Variants in MCU observed in about 807,000 individuals in gnomAD.
The protein encoded by MCU is mitochondrial calcium uniporter.
A neutral mutation model predicts 45.2 loss-of-function variants in MCU; 12 were observed. That is an observed-to-expected ratio of 0.27 (90% confidence interval 0.17 to 0.43). MCU has a LOEUF of 0.43. MCU is among the 20% of genes least tolerant of loss of function. The pLI is 1.00. For synonymous variants in MCU, 160 were observed against 165.1 expected, an observed-to-expected ratio of 0.97 and a Z score of 0.24; for missense variants, 324 against 436.7, an observed-to-expected ratio of 0.74 and a Z score of 2.30.
intron 1 of MCU, among the ~76,000 whole-genome samples, chr10:72,832,932 C>CTGTGTGCGTGTGTGTGTGTGTGTGTGTG (rs1399130294): frequency 8.8e-5 from 5 of 57,124 alleles, no homozygotes; most frequent in African/African-American, 1.9e-4. Context: ...AAACCAATAG[C>CTGTGTGCGTGTGTGTGTGTGTGTGTGTG]TATGTGTGTG....
intron 1 of MCU, among the ~76,000 whole-genome samples, chr10:72,744,254 T>A (rs1449403269): frequency 4.6e-5 from 7 of 151,726 alleles, no homozygotes; most frequent in Admixed American, 4.6e-4. Flanking sequence ...TTTTAAAGAT[T>A]TTTGGGTGCG....
intron 1 of MCU, among the ~76,000 whole-genome samples, chr10:72,816,660 C>G (rs1420323034): frequency 6.6e-6 from 1 of 152,152 alleles, no homozygotes; most frequent in Non-Finnish European, 1.5e-5. Context: ...GCACCACCAG[C>G]TACTTCAGAT....
At chr10:72,714,345 CTTTTTTTTTTTTT>C (rs1160353409) in intron 1 of MCU, among the ~76,000 whole-genome samples, 1 of 54,770 alleles carries the variant, frequency 1.8e-5, no homozygotes, top group Non-Finnish European at 4.0e-5. Context: ...CCGCCCTGGT[CTTTTTTTTTTTTT>C]TTTTTTTTTT....
intron 1 of MCU, among the ~76,000 whole-genome samples, chr10:72,714,696 C>T (rs1036620702): frequency 2.0e-5 from 3 of 152,048 alleles, no homozygotes; most frequent in Non-Finnish European, 2.9e-5. Flanking sequence ...AGGCATGCAA[C>T]ACCACGCTGG....
At chr10:72,763,223 C>T (rs942827339) in intron 1 of MCU, among the ~76,000 whole-genome samples, 15 of 152,240 alleles carry the variant, frequency 9.9e-5, no homozygotes, top group African/African-American at 3.4e-4. Context: ...CCTTTTGCCA[C>T]GTAAGGTAAC....
chr10:72,742,001 C>T lies in MCU; in HGVS notation c.150+49700C>T, dbSNP rs569931223. ...CGAGATCACTGCCCTCCAGCCTGGG[C>T]GACAGAGCAAGACTCCGTCTCAAAA... On this transcript the variant is annotated intron_variant, in intron 1 of 7. Coordinates refer to ENST00000373053, the MANE Select transcript of MCU (RefSeq NM_138357.3). 2.7e-4 allele frequency among the ~76,000 whole-genome samples: 30 copies of T among 112,718 alleles called. No individual in the cohort carries two copies. In the East Asian group the frequency reaches 6.4e-3, roughly 24 times the overall value. The allele number at this position is 112,718 out of a possible 152,430, so 73.9% of individuals were successfully genotyped here.
chr10:72,722,533 T>A (rs564132748), intron 1 of MCU, among the ~76,000 whole-genome samples: 28 of 151,610 alleles, frequency 1.8e-4, no homozygotes, highest in Non-Finnish European at 3.8e-4. Context: ...TTTTTTTTTT[T>A]TAACATGCAA....
At chr10:72,738,884 G>A (rs1474156582) in intron 1 of MCU, among the ~76,000 whole-genome samples, 1 of 152,098 alleles carries the variant, frequency 6.6e-6, no homozygotes, top group Non-Finnish European at 1.5e-5. Context: ...ATCTTTTTGT[G>A]TGGGATATCC....
At chr10:72,777,977 A>G (rs570995222) in intron 1 of MCU, among the ~76,000 whole-genome samples, 2 of 152,362 alleles carry the variant, frequency 1.3e-5, no homozygotes, top group Non-Finnish European at 2.9e-5. Flanking sequence ...CCACAATGAG[A>G]TATCATTTCA....
chr10:72,793,306 A>C (rs1175941694), intron 1 of MCU, among the ~76,000 whole-genome samples: 3 of 152,232 alleles, frequency 2.0e-5, no homozygotes, highest in African/African-American at 4.8e-5. Context: ...GAGAAGCCAG[A>C]TATTGAAACC....
intron 1 of MCU, among the ~76,000 whole-genome samples, chr10:72,701,398 T>G (rs944746282): frequency 6.6e-6 from 1 of 152,174 alleles, no homozygotes; most frequent in Non-Finnish European, 1.5e-5. Flanking sequence ...CTGGCTAGAG[T>G]GAGAACTGTA....
intron 1 of MCU, among the ~76,000 whole-genome samples, chr10:72,751,341 C>CTTCTTTTT (rs1474252109): frequency 6.7e-5 from 3 of 44,752 alleles, no homozygotes; most frequent in African/African-American, 2.5e-4. Context: ...TCTTCTTCTT[C>CTTCTTTTT]TTTTTTTTTT....
intron 4 of MCU, among the ~76,000 whole-genome samples, chr10:72,864,626 T>C (rs985102516): frequency 2.0e-5 from 3 of 152,222 alleles, no homozygotes; most frequent in African/African-American, 4.8e-5. Context: ...ATGTTATTGG[T>C]AAGGCTTCTA....
intron 1 of MCU, among the ~76,000 whole-genome samples, chr10:72,717,294 C>G (rs1471367433): frequency 6.6e-6 from 1 of 151,038 alleles, no homozygotes; most frequent in Non-Finnish European, 1.5e-5. Flanking sequence ...CAGTCTCGCT[C>G]TGTCGCGCAG....
chr10:72,722,932 C>T (rs1340730060), intron 1 of MCU, among the ~76,000 whole-genome samples: 1 of 152,036 alleles, frequency 6.6e-6, no homozygotes, highest in Non-Finnish European at 1.5e-5. Flanking sequence ...TGTGGTGGCT[C>T]ACGCCTGTAA....
chr10:72,751,647 C>T (rs1295837678), intron 1 of MCU, among the ~76,000 whole-genome samples: 1 of 150,952 alleles, frequency 6.6e-6, no homozygotes, highest in Non-Finnish European at 1.5e-5. Context: ...TGAGCCGCTG[C>T]ACTCCACCTC....
intron 1 of MCU, among the ~76,000 whole-genome samples, chr10:72,701,929 T>G (rs1202873822): frequency 6.6e-6 from 1 of 152,034 alleles, no homozygotes; most frequent in Non-Finnish European, 1.5e-5. Context: ...TATTCCTAAT[T>G]TAGTTTGGAT....
chr10:72,753,839 A>C (rs776716395), intron 1 of MCU, among the ~76,000 whole-genome samples: 24 of 152,142 alleles, frequency 1.6e-4, no homozygotes, highest in Non-Finnish European at 3.2e-4. Context: ...TGATCACGCC[A>C]CTGCACTCTA....
chr10:72,788,851 T>C (rs2132761972), intron 1 of MCU, among the ~76,000 whole-genome samples: 1 of 152,302 alleles, frequency 6.6e-6, no homozygotes, highest in Non-Finnish European at 1.5e-5. Flanking sequence ...CAAACCGTAT[T>C]TTAAAAGGTA....
Sources: gnomAD v4.1 joint callset for allele counts (sites outside exome capture counted in the v4.1 genomes callset) on GRCh38, gnomAD v4.1.1 for gene constraint, MANE v1.5 for transcripts, NCBI Gene and HGNC (gene_info 2026-07-23, HGNC 2026-07-21) for gene names.